Variants in PTPA observed in about 807,000 individuals in gnomAD.
PTPA encodes protein phosphatase 2 phosphatase activator, also known as serine/threonine-protein phosphatase 2A activator.
A neutral mutation model predicts 43.6 loss-of-function variants in PTPA; 13 were observed. The observed-to-expected ratio is 0.30, with a 90% CI of 0.19 to 0.47. The LOEUF is 0.47. PTPA is among the 20% of genes least tolerant of loss of function. The pLI, the probability that PTPA is intolerant of heterozygous loss-of-function variation, is 0.99. For synonymous variants in PTPA, 172 were observed against 158.2 expected (o/e 1.09, Z -0.66); for missense variants, 329 against 411.9 (o/e 0.80, Z 1.74).
chr9:129,123,189 A>T (rs1213159069), intron 3 of PTPA, 51 bp downstream of exon 3: 2 of 1,489,990 alleles, frequency 1.3e-6, no homozygotes, highest in African/African-American at 1.4e-5. Flanking sequence ...ATAGCTCCAG[A>T]GTCACTGGGT....
intron 9 of PTPA, chr9:129,142,919 A>G (rs1850996771): frequency 9.5e-6 from 14 of 1,466,466 alleles, no homozygotes; most frequent in Non-Finnish European, 1.3e-5. Flanking sequence ...CTCCCATGGC[A>G]TACCTGGGAA....
chr9:129,114,242 C>T (rs1309589367), intron 1 of PTPA, among the ~76,000 whole-genome samples: 1 of 152,144 alleles, frequency 6.6e-6, no homozygotes, highest in East Asian at 1.9e-4. Flanking sequence ...AGGCTGGTCT[C>T]GAACTCCTGG....
Position 129,147,637 on chromosome 9 carries a change from G to T in PTPA, c.*173G>T. ...GGGGCTCAGAGCATAAGGCTTCAGG[G>T]CCCAAGTTGGGAGAAGTGACCAAAG... On this transcript the variant is annotated 3_prime_UTR_variant, in exon 10 of 10. Coordinates refer to ENST00000393370, the MANE Select transcript of PTPA (RefSeq NM_178000.3). 1 of 688,348 alleles carries T rather than the reference G, an allele frequency of 1.5e-6. No homozygotes were observed. The highest frequency in any genetic ancestry group is 2.4e-6 in the Non-Finnish European group (1 of 417,980). 42.6% of individuals were successfully genotyped at this position (688,348 alleles called of 1,614,324 possible). A position where few individuals can be genotyped will look rare whatever the true frequency, so the allele number is the denominator to read the frequency against.
intron 3 of PTPA, 135 bp from the exon 4 acceptor site, chr9:129,128,850 A>C: frequency 6.8e-6 from 7 of 1,034,612 alleles, no homozygotes; most frequent in Non-Finnish European, 9.8e-6. Flanking sequence ...ACAGTGGGGA[A>C]GAAAGAGGGA....
chr9:129,146,504 C>T (rs1851312813), intron 9 of PTPA, among the ~76,000 whole-genome samples: 1 of 152,234 alleles, frequency 6.6e-6, no homozygotes, highest in Non-Finnish European at 1.5e-5. Flanking sequence ...GGCCATAAGT[C>T]TTGTTCCACC....
chr9:129,133,064 C>T lies in PTPA; in HGVS notation c.460+1425C>T, dbSNP rs1348538373. 2.7e-5 allele frequency among the ~76,000 whole-genome samples: 4 copies of T among 150,428 alleles called. No individual in the cohort carries two copies. In the East Asian group the frequency reaches 5.9e-4, roughly 22 times the overall value. On this transcript the variant is annotated intron_variant, in intron 5 of 9. Coordinates refer to ENST00000393370, the MANE Select transcript of PTPA (RefSeq NM_178000.3). ...TTCTCTGTGTCAGGGCACGGCCTGT[C>T]GAGCCACCATGCTGAGACCCCATCT...
intron 2 of PTPA, among the ~76,000 whole-genome samples, chr9:129,122,726 G>T (rs953027149): frequency 6.6e-6 from 1 of 152,140 alleles, no homozygotes; most frequent in African/African-American, 2.4e-5. Flanking sequence ...TTGAAATCTT[G>T]GTTTCCTCAT....
rs1250998846 is a variant in PTPA, at chr9:129,148,088, C to G, written c.*624C>G. 1 of 154,224 alleles carries G rather than the reference C, an allele frequency of 6.5e-6. No individual in the cohort carries two copies. The highest frequency in any genetic ancestry group is 2.4e-5 in the African/African-American group (1 of 41,382). 9.6% of individuals were successfully genotyped at this position (154,224 alleles called of 1,614,324 possible). On this transcript the variant is annotated 3_prime_UTR_variant, in exon 10 of 10. Coordinates refer to ENST00000393370, the MANE Select transcript of PTPA (RefSeq NM_178000.3). ...CCCTGCCCCCTGGGCCTGAGGCCCCCTGTGTCCAAGCCTCCCCCTGGCTCT... is the reference window on the plus strand; with the variant it reads ...CCCTGCCCCCTGGGCCTGAGGCCCCGTGTGTCCAAGCCTCCCCCTGGCTCT...
Position 129,136,786 on chromosome 9 carries a change from G to A in PTPA, c.685+191G>A, listed in dbSNP as rs368397916. Among the ~76,000 whole-genome samples the A allele has an allele frequency of 2.0e-5, 3 of 152,340 alleles. 1 individual carries two copies. The highest frequency in any genetic ancestry group is 2.4e-5 in the African/African-American group (1 of 41,576). The stretch of plus-strand genomic sequence containing the variant: ...TGTCGACCTTCTGCTGTGAGAGCCC[G>A]TGTGGTGGGCTGGAGGAGGCGGAGG... On this transcript the variant is annotated intron_variant, in intron 7 of 9. Coordinates refer to ENST00000393370, the MANE Select transcript of PTPA (RefSeq NM_178000.3).
intron 9 of PTPA, among the ~76,000 whole-genome samples, chr9:129,146,880 TG>T (rs1851339831): frequency 6.6e-6 from 1 of 151,962 alleles, no homozygotes; most frequent in African/African-American, 2.4e-5. Context: ...TGCCCAGGGG[TG>T]GGGGGAACTC....
At chr9:129,142,157 GAGAA>G (rs1346110480) in intron 8 of PTPA, 2 of 337,662 alleles carry the variant, frequency 5.9e-6, no homozygotes, top group African/African-American at 2.1e-5. Flanking sequence ...TTGGCTGTGG[GAGAA>G]AGAGGGGTGA....
Position 129,143,116 on chromosome 9 carries a change from C to T in PTPA, c.894+564C>T, listed in dbSNP as rs1204833612. 4 of 625,606 alleles carry T rather than the reference C, an allele frequency of 6.4e-6. No individual in the cohort carries two copies. The East Asian group carries it at 8.2e-5, about 13-fold the overall frequency. 38.8% of individuals were successfully genotyped at this position (625,606 alleles called of 1,614,324 possible). A position where few individuals can be genotyped will look rare whatever the true frequency, so the allele number is the denominator to read the frequency against. On this transcript the variant is annotated intron_variant, in intron 9 of 9. Transcript: ENST00000393370. ...GCTGAGGAGAGGAGAGCTGAGGCTT[C>T]CTGGAGCTCCCCCTGCTGGCAGGCA...
intron 4 of PTPA, among the ~76,000 whole-genome samples, chr9:129,130,186 C>CAA (rs1428626116): frequency 6.6e-6 from 1 of 152,168 alleles, no homozygotes; most frequent in Admixed American, 6.5e-5. Context: ...TCTAGAAAAG[C>CAA]AGAGTCTACA....
In PTPA at chr9:129,143,417, T is replaced by C. The variant is rs1003953302; in HGVS notation, c.894+865T>C. On this transcript the variant is annotated intron_variant, in intron 9 of 9. Transcript: ENST00000393370. ...GTTCATGGCCTCAGACACTGTACTG[T>C]GGGCACCATCTCTTGACTCCTGGCC... The C allele has an allele frequency of 1.8e-5, 13 of 702,910 alleles. No individual in the cohort carries two copies. In the African/African-American group the frequency reaches 2.3e-4, roughly 12 times the overall value. The allele number at this position is 702,910 out of a possible 1,614,324, so 43.5% of individuals were successfully genotyped here. A position where few individuals can be genotyped will look rare whatever the true frequency, so the allele number is the denominator to read the frequency against.
chr9:129,136,663 C>T (rs764692216), intron 7 of PTPA, 68 bp downstream of exon 7: 86 of 1,487,408 alleles, frequency 5.8e-5, no homozygotes, highest in Non-Finnish European at 6.9e-5. Context: ...CCTCCCCTGC[C>T]CCTCCTGCGC....
chr9:129,133,534 C>CA (rs1411149885), intron 5 of PTPA, among the ~76,000 whole-genome samples: 1 of 152,216 alleles, frequency 6.6e-6, no homozygotes, highest in African/African-American at 2.4e-5. Flanking sequence ...ATTCTCTTCT[C>CA]ACCTCCCTCC....
At chr9:129,121,870 G>T (rs1564186645) in intron 2 of PTPA, among the ~76,000 whole-genome samples, 1 of 152,226 alleles carries the variant, frequency 6.6e-6, no homozygotes, top group Non-Finnish European at 1.5e-5. Context: ...TGGTCTGAGA[G>T]AGTTGCTTTG....
At chr9:129,125,972 C>T (rs982501296) in intron 3 of PTPA, among the ~76,000 whole-genome samples, 4 of 151,860 alleles carry the variant, frequency 2.6e-5, no homozygotes, top group African/African-American at 9.7e-5. Flanking sequence ...CATGGTGGAA[C>T]CCCGTCTCTA....
chr9:129,123,085 C>G lies in PTPA; in HGVS notation c.163C>G (p.Leu55Val). ...YADYIGFILTLNEGVKGKKLT... is the reference protein window; with the variant it reads ...YADYIGFILTVNEGVKGKKLT... Reference sequence around the variant, plus strand: ...TGACTACATCGGATTCATCCTTACCCTCAACGAAGGTGTGAAGGGGAAGAA... The same window carrying G: ...TGACTACATCGGATTCATCCTTACCGTCAACGAAGGTGTGAAGGGGAAGAA... The change falls in exon 3 of 10, where the codon CTC becomes GTC. Residue 55 changes from leucine (L) to valine (V), a missense_variant. Leu to Val is a conservative substitution (Grantham distance 32). Transcript: ENST00000393370. 6.2e-7 allele frequency: 1 copy of G among 1,612,320 alleles called. No individual in the cohort carries two copies. The highest frequency in any genetic ancestry group is 8.5e-7 in the Non-Finnish European group (1 of 1,178,936).
Sources: gnomAD v4.1 joint callset for allele counts (sites outside exome capture counted in the v4.1 genomes callset) on GRCh38, gnomAD v4.1.1 for gene constraint, MANE v1.5 for transcripts, NCBI Gene and HGNC (gene_info 2026-07-23, HGNC 2026-07-21) for gene names.